KIF1B: variants seen among roughly 807,000 people sequenced by gnomAD.
KIF1B encodes the protein kinesin-like protein KIF1B.
KIF1B carries 76 observed loss-of-function variants against 241.9 expected under a neutral mutation model. The ratio of observed to expected loss-of-function variants is 0.31; its 90% CI spans 0.26 to 0.38. The LOEUF (loss-of-function observed/expected upper bound fraction) is 0.38. Among genes scored for constraint, KIF1B ranks in the 10% least tolerant of loss-of-function variants. The probability of loss-of-function intolerance (pLI) is 1.00; values close to 1 mark genes in which losing one functional copy is unlikely to be tolerated. For missense variants in KIF1B, 1,622 were observed against 2,271.4 expected (o/e 0.71, Z 5.81); for synonymous variants, 750 against 796.7 (o/e 0.94, Z 0.99).
At chr1:10,346,897 C>T (rs1021679272) in intron 35 of KIF1B, among the ~76,000 whole-genome samples, 1 of 152,068 alleles carries the variant, frequency 6.6e-6, no homozygotes, top group Non-Finnish European at 1.5e-5. Flanking sequence ...ATCCTTGGCC[C>T]CTACCCACAA....
At chr1:10,297,854 G>A (rs935282047) in intron 22 of KIF1B, among the ~76,000 whole-genome samples, 60 of 152,088 alleles carry the variant, frequency 3.9e-4, no homozygotes, top group African/African-American at 1.4e-3. Context: ...TACCCAGCCC[G>A]GACAGGACAG....
intron 38 of KIF1B, among the ~76,000 whole-genome samples, chr1:10,357,454 T>C (rs1480433084): frequency 6.6e-6 from 1 of 152,202 alleles, no homozygotes; most frequent in Non-Finnish European, 1.5e-5. Flanking sequence ...CTCTCAAGAA[T>C]TGCCAGTGTA....
chr1:10,309,972 C>G (rs961772280), intron 22 of KIF1B, among the ~76,000 whole-genome samples: 1 of 151,420 alleles, frequency 6.6e-6, no homozygotes, highest in Non-Finnish European at 1.5e-5. Flanking sequence ...GAGCCCATTT[C>G]CATCATGCTT....
At chr1:10,244,873 A>G (rs1647187586) in intron 2 of KIF1B, among the ~76,000 whole-genome samples, 1 of 151,852 alleles carries the variant, frequency 6.6e-6, no homozygotes, top group African/African-American at 2.4e-5. Flanking sequence ...CGGCCTCCCA[A>G]AGGACTGGGA....
In KIF1B at chr1:10,253,239, G is replaced by T. The variant is rs572232132; in HGVS notation, c.107-3008G>T. On this transcript the variant is annotated intron_variant, in intron 2 of 48. Transcript: ENST00000676179. ...AAATTGCATCCTGAATCTGCCACTA[G>T]CTAGCTCTGGAGCCATGAATAACTT... Among the ~76,000 whole-genome samples the T allele has an allele frequency of 1.6e-4, 25 of 152,252 alleles. No homozygotes were observed. In the South Asian group the frequency reaches 5.2e-3, roughly 32 times the overall value.
At chr1:10,232,189 A>G (rs1646992401) in intron 1 of KIF1B, 61 bp from the exon 2 acceptor site, 2 of 655,688 alleles carry the variant, frequency 3.1e-6, no homozygotes, top group African/African-American at 1.8e-5. Flanking sequence ...TCTTATGCTT[A>G]AGTTAGCCAG....
At chr1:10,372,658 ACAGAGC>A (rs1312807609) in intron 45 of KIF1B, among the ~76,000 whole-genome samples, 1 of 116,668 alleles carries the variant, frequency 8.6e-6, no homozygotes, top group Non-Finnish European at 1.7e-5. Flanking sequence ...AGCTTGGGTG[ACAGAGC>A]TGTCACCCAA....
At chr1:10,329,170 G>A (rs1165293420) in intron 27 of KIF1B, among the ~76,000 whole-genome samples, 1 of 152,152 alleles carries the variant, frequency 6.6e-6, no homozygotes, top group Non-Finnish European at 1.5e-5. Flanking sequence ...TTTTCCATTT[G>A]TTTAGGTTCC....
At chr1:10,220,366 G>A (rs974699558) in intron 1 of KIF1B, among the ~76,000 whole-genome samples, 2 of 140,208 alleles carry the variant, frequency 1.4e-5, no homozygotes, top group Admixed American at 1.5e-4. Flanking sequence ...GTGAGACCCT[G>A]TTTCAATAGA....
chr1:10,300,808 G>C, intron 22 of KIF1B, among the ~76,000 whole-genome samples: 1 of 152,070 alleles, frequency 6.6e-6, no homozygotes, highest in Non-Finnish European at 1.5e-5. Flanking sequence ...TAGCCATTAT[G>C]ATTTTAAAAA....
intron 4 of KIF1B, among the ~76,000 whole-genome samples, chr1:10,259,743 G>A (rs926593045): frequency 2.0e-5 from 3 of 151,572 alleles, no homozygotes; most frequent in East Asian, 1.9e-4. Flanking sequence ...CAGGCAATCC[G>A]CCCACCTCCG....
chr1:10,376,417 T>A, intron 48 of KIF1B, 128 bp from the exon 49 acceptor site: 1 of 889,304 alleles, frequency 1.1e-6, no homozygotes, highest in East Asian at 2.4e-5. Flanking sequence ...AGTAGACGGC[T>A]TAGAGGACTA....
chr1:10,262,252 C>T (rs762477713), intron 5 of KIF1B, among the ~76,000 whole-genome samples: 4 of 152,100 alleles, frequency 2.6e-5, no homozygotes, highest in Non-Finnish European at 4.4e-5. Context: ...TGGGCCAAAG[C>T]GATCTTACCC....
At chr1:10,306,384 T>TG in intron 22 of KIF1B, 2 of 1,034,586 alleles carry the variant, frequency 1.9e-6, no homozygotes, top group Non-Finnish European at 2.3e-6. Context: ...CAGTTGTCCT[T>TG]TTTTATTCCT....
intron 22 of KIF1B, chr1:10,308,544 T>A: frequency 9.8e-7 from 1 of 1,023,248 alleles, no homozygotes; most frequent in African/African-American, 1.7e-5. Context: ...AGTGTTAGTT[T>A]GTAATGTTAA....
Position 10,375,289 on chromosome 1 carries a change from G to C in KIF1B, c.5324G>C (p.Arg1775Pro). ...ACCTTTGCTGTCTGCACAAAGCACC[G>C]TGGGGTCCTTTTGCAGGCCCTCAAT... Reference protein sequence around the residue: ...PNTFAVCTKHRGVLLQALNDK... With the variant: ...PNTFAVCTKHPGVLLQALNDK... Residue 1775 changes from arginine (R) to proline (P), a missense_variant, in exon 48 of 49, where the codon CGT (arginine) becomes CCT (proline). This residue lies in a region of KIF1B where 357 missense variants were observed against 409.0 expected (regional missense o/e 0.87). Coordinates refer to ENST00000676179, the MANE Select transcript of KIF1B (RefSeq NM_001365951.3). 1 of 1,614,120 alleles carries C rather than the reference G, an allele frequency of 6.2e-7. No individual in the cohort carries two copies. Among genetic ancestry groups the C allele is most frequent in the Non-Finnish European group, 8.5e-7 (1 of 1,180,006 alleles).
intron 4 of KIF1B, 118 bp downstream of exon 4, chr1:10,258,790 AAAG>A (rs1647945173): frequency 1.0e-6 from 1 of 988,222 alleles, no homozygotes; most frequent in African/African-American, 1.6e-5. Flanking sequence ...TGTCAGGCAC[AAAG>A]ATGAACAACC....
At chr1:10,284,728 G>GACGT (rs1040003740) in intron 15 of KIF1B, among the ~76,000 whole-genome samples, 5 of 151,748 alleles carry the variant, frequency 3.3e-5, no homozygotes, top group Non-Finnish European at 5.9e-5. Context: ...CGGCCATGGT[G>GACGT]ACGTGCATCT....
intron 22 of KIF1B, chr1:10,308,249 C>T (rs1375975378): frequency 1.9e-6 from 2 of 1,060,700 alleles, no homozygotes; most frequent in South Asian, 4.6e-5. Flanking sequence ...CAGTGCAAAA[C>T]AAGCATTTGT....
Sources: gnomAD v4.1 joint callset for allele counts (sites outside exome capture counted in the v4.1 genomes callset) on GRCh38, gnomAD v4.1.1 for gene constraint, gnomAD v4.1.1 regional missense constraint, MANE v1.5 for transcripts, NCBI Gene and HGNC (gene_info 2026-07-23, HGNC 2026-07-21) for gene names.